The following KDM4C variants were observed in gnomAD, a reference collection of about 807,000 sequenced individuals.
KDM4C encodes the protein lysine-specific demethylase 4C.
A neutral mutation model predicts 129.3 loss-of-function variants in KDM4C; 81 were observed. The ratio of observed to expected loss-of-function variants is 0.63; its 90% CI spans 0.52 to 0.75. The LOEUF (loss-of-function observed/expected upper bound fraction) is 0.75, where lower values mean the gene tolerates loss of function less well. Ranked by LOEUF, KDM4C falls within the 30% of genes least tolerant of loss-of-function variation. The probability of loss-of-function intolerance (pLI) is 0.00; values close to 1 mark genes in which losing one functional copy is unlikely to be tolerated. For synonymous variants in KDM4C, 573 were observed against 456.1 expected, an observed-to-expected ratio of 1.26 and a Z score of -3.26; for missense variants, 1,457 against 1,304.0, an observed-to-expected ratio of 1.12 and a Z score of -1.81.
In KDM4C at chr9:6,793,016, C is replaced by G. The variant is rs900657832; in HGVS notation, c.28C>G (p.Leu10Val). 6.2e-7 allele frequency: 1 copy of G among 1,614,212 alleles called. No homozygotes were observed. Among genetic ancestry groups the G allele is most frequent in the Admixed American group, 1.7e-5 (1 of 60,014 alleles). The change falls in exon 2 of 22, where the codon CTG becomes GTG. Residue 10 changes from leucine to valine, a missense_variant. By Grantham distance (32) the Leu-to-Val change is conservative. Coordinates refer to ENST00000381309, the MANE Select transcript of KDM4C (RefSeq NM_015061.6). ...GGAGGTGGCCGAGGTGGAAAGTCCT[C>G]TGAACCCCAGCTGTAAGATAATGAC... MEVAEVESP[L>V]NPSCKIMTFR...
chr9:6,889,963 C>T (rs1363797231), intron 7 of KDM4C, among the ~76,000 whole-genome samples: 1 of 152,138 alleles, frequency 6.6e-6, no homozygotes, highest in Non-Finnish European at 1.5e-5. Flanking sequence ...GGGCTCTCAT[C>T]TGGTGTTTTG....
At chr9:6,723,507 C>T (rs34861187) in intron 1 of KDM4C, 13,192 of 152,350 alleles carry the variant, frequency 0.087, 749 homozygotes, top group Non-Finnish European at 0.12. Flanking sequence ...CTCTCTTACC[C>T]TGACCTCTGT....
Position 6,986,636 on chromosome 9 carries a change from T to G in KDM4C, c.1647T>G (p.Ser549Arg), listed in dbSNP as rs1387884859. The change falls in exon 11 of 22, where the codon AGT (serine) becomes AGG (arginine). Residue 549 changes from serine to arginine, a missense_variant. Transcript: ENST00000381309. ...CTGGGGAAATCCCAGCGGTCCCCAG[T>G]GGAGAGAGAAATAGCTTCAAAGTCC... ...LEPGEIPAVPSGERNSFKVPS... is the reference protein window; with the variant it reads ...LEPGEIPAVPRGERNSFKVPS... 2 of 1,610,608 alleles carry G rather than the reference T, an allele frequency of 1.2e-6. No individual in the cohort carries two copies. Among genetic ancestry groups the G allele is most frequent in the Non-Finnish European group, 1.7e-6 (2 of 1,177,350 alleles).
chr9:7,028,133 C>T (rs2132327231), intron 15 of KDM4C, among the ~76,000 whole-genome samples: 1 of 152,152 alleles, frequency 6.6e-6, no homozygotes, highest in South Asian at 2.1e-4. Flanking sequence ...TTTACTTTCC[C>T]CCCTACTTTT....
intron 19 of KDM4C, among the ~76,000 whole-genome samples, chr9:7,142,472 A>T (rs578039797): frequency 1.3e-5 from 2 of 152,182 alleles, no homozygotes; most frequent in South Asian, 4.1e-4. Flanking sequence ...CTCATCATGA[A>T]CCAGTGTAGA....
intron 15 of KDM4C, among the ~76,000 whole-genome samples, chr9:7,025,315 G>A (rs184305967): frequency 1.3e-5 from 2 of 152,178 alleles, no homozygotes; most frequent in African/African-American, 4.8e-5. Context: ...TATCCATTCA[G>A]AGCCACTCTG....
chr9:7,119,590 G>C (rs528728496), intron 18 of KDM4C, among the ~76,000 whole-genome samples: 8 of 150,686 alleles, frequency 5.3e-5, no homozygotes, highest in Non-Finnish European at 7.4e-5. Flanking sequence ...TATTTTAAAA[G>C]CATATTTGTT....
chr9:7,092,588 AG>A (rs1022975963), intron 17 of KDM4C, among the ~76,000 whole-genome samples: 42 of 152,280 alleles, frequency 2.8e-4, no homozygotes, highest in African/African-American at 9.6e-4. Flanking sequence ...CTACACTTAG[AG>A]GCACTTTGTC....
intron 1 of KDM4C, among the ~76,000 whole-genome samples, chr9:6,740,918 C>T (rs1817673450): frequency 6.6e-6 from 1 of 151,672 alleles, no homozygotes; most frequent in South Asian, 2.1e-4. Context: ...AACTCTGCCT[C>T]CCAGGTTCAA....
chr9:6,834,821 A>G (rs1237536682), intron 4 of KDM4C: 4 of 1,378,236 alleles, frequency 2.9e-6, no homozygotes, highest in African/African-American at 2.9e-5. Context: ...GACCCAGATC[A>G]TGTTTGAGAC....
Position 7,009,454 on chromosome 9 carries a change from A to G in KDM4C, c.1787-2244A>G, listed in dbSNP as rs138056035. On this transcript the variant is annotated intron_variant, in intron 12 of 21. Transcript: ENST00000381309. Reference sequence around the variant, plus strand: ...GTGTACAGAAATATTTTATGCATACATTCTTTTTTTTTCACAGATTTAATA... The same window carrying G: ...GTGTACAGAAATATTTTATGCATACGTTCTTTTTTTTTCACAGATTTAATA... 2.3e-3 allele frequency among the ~76,000 whole-genome samples: 350 copies of G among 152,180 alleles called. 2 individuals carry two copies. Among genetic ancestry groups the G allele is most frequent in the African/African-American group, 7.2e-3 (297 of 41,492 alleles).
chr9:6,950,576 A>T (rs1827955738), intron 8 of KDM4C, among the ~76,000 whole-genome samples: 1 of 152,194 alleles, frequency 6.6e-6, no homozygotes, highest in South Asian at 2.1e-4. Flanking sequence ...TAGCAATTAG[A>T]TGATCATCAA....
At chr9:6,848,193 C>T (rs1033362888) in intron 4 of KDM4C, among the ~76,000 whole-genome samples, 1 of 152,154 alleles carries the variant, frequency 6.6e-6, no homozygotes, top group Admixed American at 6.5e-5. Context: ...TGCACCTGGC[C>T]AATGCGCTTC....
chr9:6,835,460 ACT>A (rs1474008967), intron 4 of KDM4C: 2 of 1,278,822 alleles, frequency 1.6e-6, no homozygotes, highest in East Asian at 4.6e-5. Flanking sequence ...GAGCTCAAGC[ACT>A]CTGTGTGGAT....
At chr9:6,723,649 A>C (rs1457930690) in intron 1 of KDM4C, 1 of 150,990 alleles carries the variant, frequency 6.6e-6, no homozygotes, top group Admixed American at 6.6e-5. Flanking sequence ...AAAAAAAAAA[A>C]ATTGGGGACT....
chr9:6,982,999 T>C (rs941438333), intron 9 of KDM4C, among the ~76,000 whole-genome samples: 1 of 152,204 alleles, frequency 6.6e-6, no homozygotes, highest in Non-Finnish European at 1.5e-5. Flanking sequence ...GAATGATTCA[T>C]TGATGTCTCA....
chr9:7,174,621 G>C lies in KDM4C; in HGVS notation c.3063G>C (p.Lys1021Asn). 1 of 1,614,210 alleles carries C rather than the reference G, an allele frequency of 6.2e-7. No individual in the cohort carries two copies. Among genetic ancestry groups the C allele is most frequent in the Non-Finnish European group, 8.5e-7 (1 of 1,180,004 alleles). The change falls in exon 22 of 22, where the codon AAG becomes AAC. Residue 1021 changes from lysine (K) to asparagine (N), a missense_variant. Lys to Asn is a moderately conservative substitution (Grantham distance 94, BLOSUM62 0). Coordinates refer to ENST00000381309, the MANE Select transcript of KDM4C (RefSeq NM_015061.6). ...YGADIIQGERKRQRVLSSRFK... is the reference protein window; with the variant it reads ...YGADIIQGERNRQRVLSSRFK... ...CAGACATTATCCAAGGGGAGAGAAA[G>C]AGACAAAGAGTGCTGAGCTCCAGGT...
In KDM4C at chr9:7,160,358, C is replaced by T. The variant is rs560456630; in HGVS notation, c.2782-4880C>T. On this transcript the variant is annotated intron_variant, in intron 19 of 21. Coordinates refer to ENST00000381309, the MANE Select transcript of KDM4C (RefSeq NM_015061.6). ...CAACTCGTCAAAGTCATTCTCCCTC[C>T]AGCTTTGTTCCGTTGCTGGCGAGGA... 3.9e-4 allele frequency among the ~76,000 whole-genome samples: 60 copies of T among 152,330 alleles called. 1 individual carries two copies. Among genetic ancestry groups the T allele is most frequent in the South Asian group, 4.1e-4 (2 of 4,822 alleles).
chr9:6,802,027 C>T (rs989273053), intron 2 of KDM4C, among the ~76,000 whole-genome samples: 4 of 151,884 alleles, frequency 2.6e-5, no homozygotes, highest in South Asian at 4.2e-4. Context: ...ATTGCTTGAA[C>T]CCAGGAGGTG....
Sources: gnomAD v4.1 joint callset for allele counts (sites outside exome capture counted in the v4.1 genomes callset) on GRCh38, gnomAD v4.1.1 for gene constraint, MANE v1.5 for transcripts, NCBI Gene and HGNC (gene_info 2026-07-23, HGNC 2026-07-21) for gene names.